Variants in JCAD observed in about 807,000 individuals in gnomAD.
JCAD encodes junctional cadherin 5-associated protein.
JCAD carries 40 observed loss-of-function variants against 98.0 expected under a neutral mutation model. The ratio of observed to expected loss-of-function variants is 0.41; its 90% CI spans 0.32 to 0.53. The LOEUF (loss-of-function observed/expected upper bound fraction) is 0.53. Ranked by LOEUF, JCAD falls within the 20% of genes least tolerant of loss-of-function variation. The probability of loss-of-function intolerance (pLI) is 0.31; values close to 1 mark genes in which losing one functional copy is unlikely to be tolerated. For missense variants in JCAD, 1,705 were observed against 1,738.1 expected, an observed-to-expected ratio of 0.98 and a Z score of 0.34; for synonymous variants, 691 against 682.3, an observed-to-expected ratio of 1.01 and a Z score of -0.20.
intron 1 of JCAD, among the ~76,000 whole-genome samples, chr10:30,081,842 G>T (rs531349122): frequency 6.6e-6 from 1 of 152,210 alleles, no homozygotes; most frequent in Non-Finnish European, 1.5e-5. Context: ...GATCACTCAC[G>T]TCTGCTGCAT....
At chr10:30,083,124 A>G (rs919777146) in intron 1 of JCAD, among the ~76,000 whole-genome samples, 1 of 152,210 alleles carries the variant, frequency 6.6e-6, no homozygotes, top group Non-Finnish European at 1.5e-5. Flanking sequence ...TTTTCCAAAT[A>G]CGCATAGTTT....
chr10:30,081,796 A>G (rs1838092267), intron 1 of JCAD, among the ~76,000 whole-genome samples: 1 of 152,186 alleles, frequency 6.6e-6, no homozygotes, highest in African/African-American at 2.4e-5. Context: ...GCTGCCTAGA[A>G]AAGAAAACTG....
intron 2 of JCAD, among the ~76,000 whole-genome samples, chr10:30,032,094 C>T (rs1454646763): frequency 1.3e-5 from 2 of 151,782 alleles, no homozygotes; most frequent in Non-Finnish European, 2.9e-5. Flanking sequence ...GATTCTTATC[C>T]TCAATTTTGG....
chr10:30,027,335 T>C lies in JCAD; in HGVS notation c.2813A>G (p.Glu938Gly). Reference sequence around the variant, plus strand: ...GCAGAAAGGTGCACCGCCACCTTCTTCCACGCGAAAGCGGCCCGGGGATGG... The same window carrying C: ...GCAGAAAGGTGCACCGCCACCTTCTCCCACGCGAAAGCGGCCCGGGGATGG... ...WPPSPGRFRV[E>G]EGGGAPFCSA... is the part of the protein sequence containing the mutation. Residue 938 changes from glutamate (E) to glycine (G), a missense_variant, in exon 3 of 4, where the codon GAA becomes GGA. By Grantham distance (98) the Glu-to-Gly change is moderately conservative (BLOSUM62 -2). Transcript: ENST00000375377. The C allele has an allele frequency of 1.2e-6, 2 of 1,613,238 alleles. No individual in the cohort carries two copies. Among genetic ancestry groups the C allele is most frequent in the Non-Finnish European group, 1.7e-6 (2 of 1,180,036 alleles).
intron 1 of JCAD, among the ~76,000 whole-genome samples, chr10:30,078,838 G>A (rs1300312968): frequency 6.6e-6 from 1 of 152,184 alleles, no homozygotes; most frequent in Non-Finnish European, 1.5e-5. Flanking sequence ...GGAGAGAAAT[G>A]TTGTGGCTGG....
intron 1 of JCAD, among the ~76,000 whole-genome samples, chr10:30,052,981 T>C (rs892948084): frequency 1.3e-5 from 2 of 152,200 alleles, no homozygotes; most frequent in African/African-American, 4.8e-5. Context: ...ACTTTTTTCC[T>C]TTTTAAAATT....
At chr10:30,017,986 G>T in intron 3 of JCAD, 69 bp from the exon 4 acceptor site, 2 of 1,241,102 alleles carry the variant, frequency 1.6e-6, no homozygotes, top group South Asian at 1.3e-5. Context: ...TTAATCCTTA[G>T]ACCACGAATT....
At chr10:30,019,374 A>AGG (rs1564437642) in intron 3 of JCAD, among the ~76,000 whole-genome samples, 1 of 146,204 alleles carries the variant, frequency 6.8e-6, no homozygotes, top group African/African-American at 2.5e-5. Flanking sequence ...AAAAAAAAAA[A>AGG]AAAGAAAAAA....
At position 30,026,313 on chromosome 10, in the gene JCAD, C is replaced by T; in HGVS notation, c.3835G>A (p.Ala1279Thr). 6.2e-7 allele frequency: 1 copy of T among 1,614,088 alleles called. No individual in the cohort carries two copies. The highest frequency in any genetic ancestry group is 1.3e-5 in the African/African-American group (1 of 75,062). The change falls in exon 3 of 4, where the codon GCC becomes ACC. Residue 1279 changes from alanine (A) to threonine (T), a missense_variant. Physicochemically the swap from Ala to Thr is moderately conservative, Grantham distance 58 (BLOSUM62 0). Coordinates refer to ENST00000375377, the MANE Select transcript of JCAD (RefSeq NM_020848.4). ...SRMRVLSFRN[A>T]DSQEDAEELK... The stretch of plus-strand genomic sequence containing the variant: ...TCCTCGGCGTCCTCCTGGGAGTCGG[C>T]ATTCCTGAAGCTCAGGACTCTCATC...
At chr10:30,099,110 T>A (rs187803326) in intron 1 of JCAD, among the ~76,000 whole-genome samples, 1 of 152,356 alleles carries the variant, frequency 6.6e-6, no homozygotes, top group East Asian at 1.9e-4. Context: ...TTCTCTAAAC[T>A]GTGAATCTAT....
chr10:30,049,067 C>T (rs1837414846), intron 1 of JCAD, among the ~76,000 whole-genome samples: 2 of 152,212 alleles, frequency 1.3e-5, no homozygotes, highest in Admixed American at 1.3e-4. Context: ...TACCTACGAG[C>T]AAAAGAGGGA....
chr10:30,036,988 C>T (rs770084414), intron 2 of JCAD, among the ~76,000 whole-genome samples: 27 of 152,218 alleles, frequency 1.8e-4, no homozygotes, highest in Non-Finnish European at 3.2e-4. Context: ...CTTCCGGAGG[C>T]GTCTGTATCT....
chr10:30,028,435 T>G lies in JCAD; in HGVS notation c.1713A>C (p.Ser571=). The change falls in exon 3 of 4, where the codon TCA becomes TCC. Residue 571 remains serine, a synonymous_variant. Transcript: ENST00000375377. ...FQTGTRTKKS[S]KKKMNETIFC... is the part of the protein sequence containing the mutation. ...ATATAGTCTCGTTCATTTTTTTCTT[T>G]GAACTTTTCTTGGTCCGAGTCCCAG... The G allele has an allele frequency of 6.2e-7, 1 of 1,614,232 alleles. No homozygotes were observed. The highest frequency in any genetic ancestry group is 8.5e-7 in the Non-Finnish European group (1 of 1,180,048).
Position 30,027,388 on chromosome 10 carries a change from C to CAGCT in JCAD, c.2756_2759dup (p.Gln921AlafsTer43). The CAGCT allele has an allele frequency of 6.2e-7, 1 of 1,607,472 alleles. No individual in the cohort carries two copies. Among genetic ancestry groups the CAGCT allele is most frequent in the Non-Finnish European group, 8.5e-7 (1 of 1,179,996 alleles). On this transcript the variant is annotated frameshift_variant, in exon 3 of 4. Coordinates refer to ENST00000375377, the MANE Select transcript of JCAD (RefSeq NM_020848.4). LOFTEE classifies it high-confidence loss of function. ...GCCAGGCACGTGGGTGGCCAGGCTG[C>CAGCT]AGCTCCTCACTCCAGCTCTCAGACT...
At position 30,028,589 on chromosome 10, in the gene JCAD, C is replaced by T. The variant is rs1363389379; in HGVS notation, c.1559G>A (p.Cys520Tyr). Residue 520 changes from cysteine to tyrosine, a missense_variant, in exon 3 of 4, where the codon TGT becomes TAT. By Grantham distance (194) the Cys-to-Tyr change is radical. This residue lies in a region of JCAD where 1,278 missense variants were observed against 1,243.1 expected (regional missense o/e 1.03). Transcript: ENST00000375377. Reference sequence around the variant, plus strand: ...ATCAGGCCACTGTCCCCTTGCCACACAGCGGTCTCTCTGGTTGGGGAGGCC... The same window carrying T: ...ATCAGGCCACTGTCCCCTTGCCACATAGCGGTCTCTCTGGTTGGGGAGGCC... ...NSGLPNQRDR[C>Y]VARGQWPDVR... 1 of 1,614,084 alleles carries T rather than the reference C, an allele frequency of 6.2e-7. No homozygotes were observed. The highest frequency in any genetic ancestry group is 1.7e-5 in the Admixed American group (1 of 60,014).
chr10:30,088,345 C>G (rs1019880432), intron 1 of JCAD, among the ~76,000 whole-genome samples: 3 of 151,930 alleles, frequency 2.0e-5, no homozygotes, highest in African/African-American at 7.3e-5. Context: ...AACAGTCACC[C>G]TAGGAGTTCC....
rs1838063409 is a variant in JCAD at position 30,080,545 on chromosome 10, A to G, written n.129-10724T>C. Among the ~76,000 whole-genome samples, 3 of 152,218 alleles carry G rather than the reference A, an allele frequency of 2.0e-5. No homozygotes were observed. In the South Asian group the frequency reaches 6.2e-4, roughly 32 times the overall value. On this transcript the variant is annotated intron_variant and non_coding_transcript_variant, in intron 1 of 2. Coordinates refer to the JCAD transcript ENST00000465712. ...ATCTGACATAAATCCCATTTCGATCATGACATTTCTCCATTGACAAACCTA... is the reference window on the plus strand; with the variant it reads ...ATCTGACATAAATCCCATTTCGATCGTGACATTTCTCCATTGACAAACCTA...
chr10:30,059,026 G>C lies in JCAD; in HGVS notation c.-60+456C>G, dbSNP rs1216281527. Among the ~76,000 whole-genome samples the C allele has an allele frequency of 6.6e-5, 10 of 152,112 alleles. No individual in the cohort carries two copies. Among genetic ancestry groups the C allele is most frequent in the Admixed American group, 5.9e-4 (9 of 15,278 alleles). ...CCAGCGCGGCGGCTGTCAGCTCTGG[G>C]GTGAGGTCCGCGAGATCTGGGCGCG... On this transcript the variant is annotated intron_variant, in intron 1 of 3. Transcript: ENST00000375377. The surrounding 1 kb of genome is among the most constrained non-coding windows in gnomAD (Gnocchi z 5.0).
rs1198107053 is a variant in JCAD at position 30,092,034 on chromosome 10, CAAAAAAAA to C, written n.129-22221_129-22214del. 6.4e-3 allele frequency among the ~76,000 whole-genome samples: 225 copies of C among 35,382 alleles called. 7 individuals are homozygous for C. The highest frequency in any genetic ancestry group is 0.028 in the African/African-American group (204 of 7,168). The allele number at this position is 35,382 out of a possible 152,430, so 23.2% of individuals were successfully genotyped here. ...CAGAGCGAGACTCCATCCCCCACCA[CAAAAAAAA>C]AAAAAAAAAAAAAAAAAAAAAAATA... On this transcript the variant is annotated intron_variant and non_coding_transcript_variant, in intron 1 of 2. Transcript: ENST00000465712.
Sources: allele counts gnomAD v4.1 joint callset (sites outside exome capture counted in the v4.1 genomes callset), GRCh38; gene constraint gnomAD v4.1.1; regional missense constraint gnomAD v4.1.1; non-coding constraint Gnocchi (gnomAD v3.1); transcripts MANE v1.5; gene names NCBI Gene and HGNC (gene_info 2026-07-23, HGNC 2026-07-21).